Variants in USF3 observed in about 807,000 individuals in gnomAD.
USF3 encodes basic helix-loop-helix domain-containing protein USF3.
In USF3, 29 loss-of-function variants were observed where a neutral mutation model predicts 157.5. The ratio of observed to expected loss-of-function variants is 0.18; its 90% confidence interval spans 0.14 to 0.25. The LOEUF (loss-of-function observed/expected upper bound fraction) is 0.25, where lower values mean the gene tolerates loss of function less well. Ranked by LOEUF, USF3 falls within the 10% of genes least tolerant of loss-of-function variation. USF3 has a pLI of 1.00. For missense variants in USF3, 2,381 were observed against 2,667.6 expected, an observed-to-expected ratio of 0.89 and a Z score of 2.37; for synonymous variants, 893 against 941.4, an observed-to-expected ratio of 0.95 and a Z score of 0.94.
intron 1 of USF3, among the ~76,000 whole-genome samples, chr3:113,694,909 G>A (rs1214680944): frequency 2.0e-5 from 3 of 152,146 alleles, no homozygotes; most frequent in Non-Finnish European, 4.4e-5. Context: ...AGCTGGGCTG[G>A]TGGCATGCAC....
At chr3:113,674,559 T>C (rs1253603222) in intron 3 of USF3, among the ~76,000 whole-genome samples, 1 of 152,164 alleles carries the variant, frequency 6.6e-6, no homozygotes, top group Non-Finnish European at 1.5e-5. Flanking sequence ...GCCAGGCTGG[T>C]CTTGAACTCC....
Position 113,660,730 on chromosome 3 carries a change from T to G in USF3, c.952A>C (p.Asn318His). The change falls in exon 7 of 7, where the codon AAC becomes CAC. Residue 318 changes from asparagine to histidine, a missense_variant. By Grantham distance (68) the Asn-to-His change is moderately conservative. Transcript: ENST00000316407. ...TCCTGTATGCTCAGGCAGGACTTGT[T>G]TCCATGGTGCACTTTAGTGGCAGTT... ...SATATKVHHG[N>H]KSCLSIQDFR... is the part of the protein sequence containing the mutation. 1 of 1,614,242 alleles carries G rather than the reference T, an allele frequency of 6.2e-7. No homozygotes were observed. Among genetic ancestry groups the G allele is most frequent in the East Asian group, 2.2e-5 (1 of 44,888 alleles).
chr3:113,654,866 A>T lies in USF3; in HGVS notation c.*78T>A. On this transcript the variant is annotated 3_prime_UTR_variant, in exon 7 of 7. Transcript: ENST00000316407. ...ACACACACACACAATCCTTCTCTTC[A>T]TGTACATGTCTGTGCACATGCACGC... is the stretch of plus-strand genomic sequence containing the variant. 1 of 1,440,964 alleles carries T rather than the reference A, an allele frequency of 6.9e-7. No homozygotes were observed. Among genetic ancestry groups the T allele is most frequent in the South Asian group, 1.4e-5 (1 of 73,268 alleles). The allele number at this position is 1,440,964 out of a possible 1,614,324, so 89.3% of individuals were successfully genotyped here.
In USF3 at chr3:113,688,129, T is replaced by A. The variant is rs1285123848; in HGVS notation, c.-135+8241A>T. On this transcript the variant is annotated intron_variant, in intron 1 of 6. Transcript: ENST00000316407. ...AGGGAAGGCCCCCACTTTCTTTTTTTTTTTTTTGAGACGGAGTCTCACCCT... is the reference window on the plus strand; with the variant it reads ...AGGGAAGGCCCCCACTTTCTTTTTTATTTTTTTGAGACGGAGTCTCACCCT... 2.0e-5 allele frequency among the ~76,000 whole-genome samples: 3 copies of A among 152,074 alleles called. No individual in the cohort carries two copies. In the East Asian group the frequency reaches 5.8e-4, roughly 29 times the overall value.
In USF3 at chr3:113,651,640, C is replaced by T. The variant is rs1014012384; in HGVS notation, c.*3304G>A. Reference sequence around the variant, plus strand: ...AAAAATCACGTAGCTCTATCAAATACTTAATACTGCTAGTAAATCTCATAT... The same window carrying T: ...AAAAATCACGTAGCTCTATCAAATATTTAATACTGCTAGTAAATCTCATAT... On this transcript the variant is annotated 3_prime_UTR_variant, in exon 7 of 7. Transcript: ENST00000316407. The T allele has an allele frequency of 1.3e-5, 2 of 152,196 alleles. No homozygotes were observed. Among genetic ancestry groups the T allele is most frequent in the African/African-American group, 4.8e-5 (2 of 41,456 alleles). The allele number at this position is 152,196 out of a possible 1,614,324, so 9.4% of individuals were successfully genotyped here.
In USF3 at chr3:113,655,778, A is replaced by G. The variant is rs972338060; in HGVS notation, c.5904T>C (p.Arg1968=). 1.6e-5 allele frequency: 26 copies of G among 1,614,058 alleles called. No individual in the cohort carries two copies. The highest frequency in any genetic ancestry group is 2.2e-5 in the Non-Finnish European group (26 of 1,180,002). The change falls in exon 7 of 7, where the codon CGT becomes CGC. Residue 1968 remains arginine (R), a synonymous_variant. Coordinates refer to ENST00000316407, the MANE Select transcript of USF3 (RefSeq NM_001009899.4). ...HGNGDQGPAV[R]QANSSVPQRS... ...TCTGGGGAACTGAAGAATTAGCTTG[A>G]CGTACAGCAGGGCCTTGATCGCCAT...
chr3:113,654,257 G>C lies in USF3; in HGVS notation c.*687C>G, dbSNP rs185649240. ...TATTTACGGCTAAATAATTGTCTAA[G>C]GAAGACCTTTGCTTTAAATAATCTT... On this transcript the variant is annotated 3_prime_UTR_variant, in exon 7 of 7. Coordinates refer to ENST00000316407, the MANE Select transcript of USF3 (RefSeq NM_001009899.4). 1.3e-5 allele frequency: 2 copies of C among 152,720 alleles called. No individual in the cohort carries two copies. Among genetic ancestry groups the C allele is most frequent in the Admixed American group, 6.5e-5 (1 of 15,304 alleles). 9.5% of individuals were successfully genotyped at this position (152,720 alleles called of 1,614,324 possible).
intron 4 of USF3, among the ~76,000 whole-genome samples, chr3:113,670,698 C>T (rs1014956925): frequency 2.6e-5 from 4 of 152,070 alleles, no homozygotes; most frequent in African/African-American, 9.7e-5. Flanking sequence ...AGTAAAATGT[C>T]TAAGATGTCA....
At position 113,652,494 on chromosome 3, in the gene USF3, A is replaced by AT. The variant is rs1246647921; in HGVS notation, c.*2449dup. The AT allele has an allele frequency of 1.3e-5, 2 of 151,618 alleles. No homozygotes were observed. Among genetic ancestry groups the AT allele is most frequent in the Non-Finnish European group, 2.9e-5 (2 of 67,958 alleles). 9.4% of individuals were successfully genotyped at this position (151,618 alleles called of 1,614,324 possible). A position where few individuals can be genotyped will look rare whatever the true frequency, so the allele number is the denominator to read the frequency against. Reference sequence around the variant, plus strand: ...AGCAAGAAAAAAAAAAATATTGTATATTTTTTTGTCCCTAGGAAGCTGCTT... The same window carrying AT: ...AGCAAGAAAAAAAAAAATATTGTATATTTTTTTTGTCCCTAGGAAGCTGCTT... On this transcript the variant is annotated 3_prime_UTR_variant, in exon 7 of 7. Transcript: ENST00000316407.
At chr3:113,692,204 T>C (rs1707701749) in intron 1 of USF3, among the ~76,000 whole-genome samples, 1 of 152,174 alleles carries the variant, frequency 6.6e-6, no homozygotes, top group Non-Finnish European at 1.5e-5. Flanking sequence ...ACCCCTGCCT[T>C]AGAGGTTAGA....
rs1458932782 is a variant in USF3, at chr3:113,656,030, A to T, written c.5652T>A (p.Gly1884=). Residue 1884 remains glycine, a synonymous_variant, in exon 7 of 7, where the codon GGT becomes GGA. Transcript: ENST00000316407. The part of the protein sequence containing the change: ...QNRESCDMSL[G]AINTRNSTLN... ...AGGTGCTGTTCCTGGTGTTAATTGC[A>T]CCTAACGACATGTCACAACTTTCCC... is the stretch of plus-strand genomic sequence containing the variant. 6.2e-7 allele frequency: 1 copy of T among 1,614,154 alleles called. No homozygotes were observed. Among genetic ancestry groups the T allele is most frequent in the Admixed American group, 1.7e-5 (1 of 60,020 alleles).
chr3:113,670,316 T>C, intron 4 of USF3, 113 bp from the exon 5 acceptor site: 1 of 695,662 alleles, frequency 1.4e-6, no homozygotes, highest in Non-Finnish European at 2.6e-6. Context: ...TGCTTATCAA[T>C]GGCCAGGCGT....
chr3:113,654,665 A>G lies in USF3; in HGVS notation c.*279T>C, dbSNP rs1947320868. Reference sequence around the variant, plus strand: ...GTACATGACAAGATGATCTCCCCCAATTTCCAGCTAATTAGTATTTAGGAA... The same window carrying G: ...GTACATGACAAGATGATCTCCCCCAGTTTCCAGCTAATTAGTATTTAGGAA... On this transcript the variant is annotated 3_prime_UTR_variant, in exon 7 of 7. Coordinates refer to ENST00000316407, the MANE Select transcript of USF3 (RefSeq NM_001009899.4). 1 of 391,548 alleles carries G rather than the reference A, an allele frequency of 2.6e-6. No individual in the cohort carries two copies. The highest frequency in any genetic ancestry group is 4.5e-6 in the Non-Finnish European group (1 of 220,202). 24.3% of individuals were successfully genotyped at this position (391,548 alleles called of 1,614,324 possible).
intron 1 of USF3, among the ~76,000 whole-genome samples, chr3:113,684,332 T>C (rs1269844434): frequency 6.6e-6 from 1 of 152,166 alleles, no homozygotes; most frequent in African/African-American, 2.4e-5. Context: ...CTTGAGATAG[T>C]CTTCTTTGAG....
At chr3:113,679,003 G>T (rs1423473764) in intron 1 of USF3, among the ~76,000 whole-genome samples, 1 of 140,672 alleles carries the variant, frequency 7.1e-6, no homozygotes, top group Non-Finnish European at 1.6e-5. Flanking sequence ...TGCTGTCCAG[G>T]CTGGTGTCTC....
chr3:113,674,933 T>C, intron 2 of USF3, 37 bp from the exon 3 acceptor site: 1 of 1,367,724 alleles, frequency 7.3e-7, no homozygotes, highest in Non-Finnish European at 1.0e-6. Flanking sequence ...GAAAGCTTAG[T>C]CATTCTAGAA....
chr3:113,655,195 C>T lies in USF3; in HGVS notation c.6487G>A (p.Gly2163Arg), dbSNP rs1182411420. ...GSILSPPRPVGFAQPSFPLLP... is the reference protein window; with the variant it reads ...GSILSPPRPVRFAQPSFPLLP... ...AGAGGAAAACTTGGTTGAGCAAACCCAACAGGTCTGGGAGGAGATAAAATT... is the reference window on the plus strand; with the variant it reads ...AGAGGAAAACTTGGTTGAGCAAACCTAACAGGTCTGGGAGGAGATAAAATT... The change falls in exon 7 of 7, where the codon GGG becomes AGG. Residue 2163 changes from glycine (G) to arginine (R), a missense_variant. By Grantham distance (125) the Gly-to-Arg change is moderately radical. This residue lies in a region of USF3 where 770 missense variants were observed against 824.2 expected (regional missense o/e 0.93). Transcript: ENST00000316407. The T allele has an allele frequency of 1.2e-5, 19 of 1,614,054 alleles. No individual in the cohort carries two copies. The highest frequency in any genetic ancestry group is 1.6e-5 in the Non-Finnish European group (19 of 1,180,044).
At position 113,654,294 on chromosome 3, in the gene USF3, G is replaced by A. The variant is rs533050847; in HGVS notation, c.*650C>T. ...CTTTAAATAATCTTGGCACATTAAA[G>A]GGTAACACAGCTCCCTAATTTGAAG... is the stretch of plus-strand genomic sequence containing the variant. On this transcript the variant is annotated 3_prime_UTR_variant, in exon 7 of 7. Transcript: ENST00000316407. 3.3e-5 allele frequency: 5 copies of A among 152,746 alleles called. No homozygotes were observed. Among genetic ancestry groups the A allele is most frequent in the African/African-American group, 1.2e-4 (5 of 41,558 alleles). The allele number at this position is 152,746 out of a possible 1,614,324, so 9.5% of individuals were successfully genotyped here.
chr3:113,662,022 T>A (rs1947494346), intron 6 of USF3, among the ~76,000 whole-genome samples: 1 of 152,190 alleles, frequency 6.6e-6, no homozygotes, highest in Non-Finnish European at 1.5e-5. Context: ...AATTTTCATA[T>A]TTTTAGTAGA....
Sources: allele counts gnomAD v4.1 joint callset (sites outside exome capture counted in the v4.1 genomes callset), GRCh38; gene constraint gnomAD v4.1.1; regional missense constraint gnomAD v4.1.1; transcripts MANE v1.5; gene names NCBI Gene and HGNC (gene_info 2026-07-23, HGNC 2026-07-21).